KIF27: variants seen among roughly 807,000 people sequenced by gnomAD.
KIF27 encodes the protein kinesin family member 27.
In KIF27, 84 loss-of-function variants were observed where a neutral mutation model predicts 141.8. That is an observed-to-expected ratio of 0.59 (90% CI 0.50 to 0.71). KIF27 has a LOEUF of 0.71. Among genes scored for constraint, KIF27 ranks in the 30% least tolerant of loss-of-function variants. The pLI is 0.00. For synonymous variants in KIF27, 471 were observed against 569.5 expected, an observed-to-expected ratio of 0.83 and a Z score of 2.46; for missense variants, 1,306 against 1,628.4, an observed-to-expected ratio of 0.80 and a Z score of 3.41.
chr9:83,887,973 G>C (rs549195744), intron 8 of KIF27, among the ~76,000 whole-genome samples: 7 of 145,564 alleles, frequency 4.8e-5, no homozygotes, highest in Non-Finnish European at 1.0e-4. Flanking sequence ...GACCAAGAGA[G>C]ATGAGTTAAC....
At chr9:83,900,097 C>A (rs1323387540) in intron 4 of KIF27, among the ~76,000 whole-genome samples, 2 of 152,120 alleles carry the variant, frequency 1.3e-5, no homozygotes, top group South Asian at 4.1e-4. Flanking sequence ...AAGATTTTTA[C>A]AAGTTTGCTA....
chr9:83,859,293 G>C lies in KIF27; in HGVS notation c.3013C>G (p.Leu1005Val). Residue 1005 changes from leucine (L) to valine (V), a missense_variant, in exon 14 of 18, where the codon CTC becomes GTC. This residue lies in a region of KIF27 where 596 missense variants were observed against 751.6 expected (regional missense o/e 0.79). Coordinates refer to ENST00000297814, the MANE Select transcript of KIF27 (RefSeq NM_017576.4). ...EQELSEKNVQ[L>V]QTSTAEEKTK... Reference sequence around the variant, plus strand: ...TTCTCCTCAGCTGTACTGGTCTGGAGCTGCACATTCTTTTCAGACAACTCT... The same window carrying C: ...TTCTCCTCAGCTGTACTGGTCTGGACCTGCACATTCTTTTCAGACAACTCT... 6.2e-7 allele frequency: 1 copy of C among 1,614,012 alleles called. No homozygotes were observed. The highest frequency in any genetic ancestry group is 8.5e-7 in the Non-Finnish European group (1 of 1,179,926).
chr9:83,905,462 T>C (rs1001809283), intron 3 of KIF27, among the ~76,000 whole-genome samples: 2 of 152,220 alleles, frequency 1.3e-5, no homozygotes, highest in Non-Finnish European at 2.9e-5. Flanking sequence ...ACTTAGGAAT[T>C]GAATCAGAGA....
chr9:83,904,114 C>A (rs1310526659), intron 3 of KIF27, 96 bp from the exon 4 acceptor site: 7 of 829,666 alleles, frequency 8.4e-6, no homozygotes, highest in Non-Finnish European at 1.8e-6. Flanking sequence ...CCAAGATAGT[C>A]CCTTTTTTAA....
In KIF27 at chr9:83,859,272, C is replaced by T. The variant is rs769866788; in HGVS notation, c.3034G>A (p.Glu1012Lys). The T allele has an allele frequency of 1.2e-5, 20 of 1,613,916 alleles. No individual in the cohort carries two copies. The highest frequency in any genetic ancestry group is 6.7e-5 in the African/African-American group (5 of 74,898). The change falls in exon 14 of 18, where the codon GAG becomes AAG. Residue 1012 changes from glutamate to lysine, a missense_variant. Glu to Lys is a moderately conservative substitution (Grantham distance 56, BLOSUM62 1). Coordinates refer to ENST00000297814, the MANE Select transcript of KIF27 (RefSeq NM_017576.4). ...ACTTGTTCTGAAATCTTTGTTTTCT[C>T]CTCAGCTGTACTGGTCTGGAGCTGC... The part of the protein sequence containing the change: ...NVQLQTSTAE[E>K]KTKISEQVEV...
intron 16 of KIF27, among the ~76,000 whole-genome samples, chr9:83,843,643 A>T (rs1946848556): frequency 6.6e-6 from 1 of 152,216 alleles, no homozygotes; most frequent in African/African-American, 2.4e-5. Flanking sequence ...ACTTAATTTT[A>T]TGTCCGATAT....
chr9:83,846,276 G>A (rs1442020380), intron 16 of KIF27, among the ~76,000 whole-genome samples: 12 of 152,214 alleles, frequency 7.9e-5, no homozygotes, highest in Non-Finnish European at 1.6e-4. Context: ...CACTTACTCC[G>A]GATGTGGGTT....
At chr9:83,908,261 C>CAAAAA (rs769794962) in intron 3 of KIF27, among the ~76,000 whole-genome samples, 191 bp downstream of exon 3, 2 of 74,284 alleles carry the variant, frequency 2.7e-5, no homozygotes, top group Non-Finnish European at 5.5e-5. Flanking sequence ...AACTCCATCT[C>CAAAAA]AAAAAAAAAA....
At chr9:83,857,171 T>A (rs1362012840) in intron 14 of KIF27, among the ~76,000 whole-genome samples, 4 of 152,062 alleles carry the variant, frequency 2.6e-5, no homozygotes, top group Non-Finnish European at 4.4e-5. Flanking sequence ...TCTATCCATT[T>A]CCATAAAGTA....
intron 1 of KIF27, among the ~76,000 whole-genome samples, chr9:83,918,375 G>C (rs77248201): frequency 6.6e-6 from 1 of 151,202 alleles, no homozygotes; most frequent in Non-Finnish European, 1.5e-5. Flanking sequence ...AAGGAAAAAC[G>C]ACATCAAAAT....
At chr9:83,889,907 T>C (rs1439192520) in intron 6 of KIF27, among the ~76,000 whole-genome samples, 2 of 151,948 alleles carry the variant, frequency 1.3e-5, no homozygotes, top group Non-Finnish European at 2.9e-5. Flanking sequence ...CACTTTAAAT[T>C]CTCAAAAAAA....
At chr9:83,871,632 C>G (rs1336906118) in intron 11 of KIF27, among the ~76,000 whole-genome samples, 3 of 151,282 alleles carry the variant, frequency 2.0e-5, no homozygotes, top group Non-Finnish European at 4.4e-5. Flanking sequence ...TGAGAATAGA[C>G]TTGGAAGACA....
chr9:83,863,925 A>C (rs1402208194), intron 13 of KIF27: 1 of 152,164 alleles, frequency 6.6e-6, no homozygotes, highest in Non-Finnish European at 1.5e-5. Flanking sequence ...GTGTCCAGGA[A>C]TTTATCCATT....
rs1392824802 is a variant in KIF27 at position 83,913,359 on chromosome 9, C to T, written c.298+1935G>A. Among the ~76,000 whole-genome samples the T allele has an allele frequency of 2.6e-5, 4 of 152,028 alleles. No individual in the cohort carries two copies. In the East Asian group the frequency reaches 7.7e-4, roughly 29 times the overall value. ...AAACATTATTTGCATGGTCTATAAC[C>T]AAAAAGCTGACCCAGAATTGGTGTC... On this transcript the variant is annotated intron_variant, in intron 2 of 17. Transcript: ENST00000297814.
intron 16 of KIF27, among the ~76,000 whole-genome samples, chr9:83,847,371 C>T (rs1947424291): frequency 6.6e-6 from 1 of 152,200 alleles, no homozygotes; most frequent in East Asian, 1.9e-4. Context: ...GATTTATTGA[C>T]TTCACATCAG....
At position 83,835,239 on chromosome 9, in the gene KIF27, G is replaced by A. The variant is rs1945698112; in HGVS notation, c.*1762C>T. ...GTGCATTTATACATATTTATAATGT[G>A]TATGTTTTACCTTTGGTTTGTATGA... On this transcript the variant is annotated 3_prime_UTR_variant, in exon 18 of 18. Transcript: ENST00000297814. Among the ~76,000 whole-genome samples the A allele has an allele frequency of 6.6e-6, 1 of 150,446 alleles. No homozygotes were observed. The highest frequency in any genetic ancestry group is 1.9e-4 in the East Asian group (1 of 5,172).
At chr9:83,918,551 C>T (rs1177069590) in intron 1 of KIF27, among the ~76,000 whole-genome samples, 3 of 151,948 alleles carry the variant, frequency 2.0e-5, no homozygotes, top group African/African-American at 7.3e-5. Context: ...GCAAAGCATC[C>T]GAAAAGGCAG....
intron 6 of KIF27, among the ~76,000 whole-genome samples, chr9:83,890,318 C>A (rs927534221): frequency 9.2e-5 from 14 of 151,968 alleles, no homozygotes; most frequent in Admixed American, 3.9e-4. Flanking sequence ...TAGGTGGCCT[C>A]CCAATGGGGT....
intron 6 of KIF27, among the ~76,000 whole-genome samples, chr9:83,889,507 A>C (rs1307865651): frequency 1.3e-5 from 2 of 152,150 alleles, no homozygotes. Flanking sequence ...TCACTTACAG[A>C]AAACAGTATT....
Sources: allele counts gnomAD v4.1 joint callset (sites outside exome capture counted in the v4.1 genomes callset), GRCh38; gene constraint gnomAD v4.1.1; regional missense constraint gnomAD v4.1.1; transcripts MANE v1.5; gene names NCBI Gene and HGNC (gene_info 2026-07-23, HGNC 2026-07-21).